CUX1: variants seen among roughly 807,000 people sequenced by gnomAD.
CUX1 encodes the protein cut like homeobox 1, also known as protein CASP.
Under a neutral mutation model 158.8 loss-of-function variants are expected in CUX1, and 31 were observed. The observed-to-expected ratio is 0.20, with a 90% CI of 0.15 to 0.26. CUX1 has a LOEUF of 0.26. Ranked by LOEUF, CUX1 falls within the 10% of genes least tolerant of loss-of-function variation. The pLI, the probability that CUX1 is intolerant of heterozygous loss-of-function variation, is 1.00. For synonymous variants in CUX1, 879 were observed against 862.1 expected, an observed-to-expected ratio of 1.02 and a Z score of -0.34; for missense variants, 1,589 against 2,014.6, an observed-to-expected ratio of 0.79 and a Z score of 4.04.
rs899025012 is a variant in CUX1 at position 102,182,319 on chromosome 7, C to T, written c.1017+3662C>T. ...TTGTCCTGAGTTCACTGAGTTGTTT[C>T]CACCCATACTTTCCAATGATACTTT... On this transcript the variant is annotated intron_variant, in intron 11 of 23. Coordinates refer to ENST00000292535, the MANE Select transcript of CUX1 (RefSeq NM_181552.4). 5.3e-5 allele frequency among the ~76,000 whole-genome samples: 8 copies of T among 152,170 alleles called. 1 individual carries two copies. Among genetic ancestry groups the T allele is most frequent in the African/African-American group, 1.9e-4 (8 of 41,434 alleles).
chr7:102,111,463 AC>A (rs1201587667), intron 6 of CUX1, among the ~76,000 whole-genome samples: 1 of 151,964 alleles, frequency 6.6e-6, no homozygotes, highest in Non-Finnish European at 1.5e-5. Flanking sequence ...GCCAGTTACC[AC>A]CCATCAAGCC....
intron 14 of CUX1, among the ~76,000 whole-genome samples, chr7:102,267,066 G>C (rs1790862510): frequency 6.6e-6 from 1 of 152,098 alleles, no homozygotes; most frequent in Non-Finnish European, 1.5e-5. Context: ...CTGCAGGCAT[G>C]GGGAGCCGGC....
At chr7:102,102,509 C>T (rs1247816362) in intron 5 of CUX1, among the ~76,000 whole-genome samples, 1 of 150,936 alleles carries the variant, frequency 6.6e-6, no homozygotes, top group Non-Finnish European at 1.5e-5. Context: ...TGCTCCTGCT[C>T]TGGCCAGCGC....
intron 10 of CUX1, among the ~76,000 whole-genome samples, chr7:102,171,018 C>G (rs150004413): frequency 6.6e-6 from 1 of 151,994 alleles, no homozygotes; most frequent in Non-Finnish European, 1.5e-5. Flanking sequence ...CATTCTGCAC[C>G]GAGTTTATAG....
chr7:101,930,193 A>AT (rs1007877676), intron 2 of CUX1, among the ~76,000 whole-genome samples: 6 of 152,058 alleles, frequency 3.9e-5, no homozygotes, highest in African/African-American at 9.7e-5. Context: ...CTTCTATTAG[A>AT]TTTTTTTTAA....
chr7:101,931,438 G>C (rs958022042), intron 2 of CUX1, among the ~76,000 whole-genome samples: 1 of 152,164 alleles, frequency 6.6e-6, no homozygotes, highest in Non-Finnish European at 1.5e-5. Flanking sequence ...CACTGGAAAG[G>C]CATTTAACTA....
At chr7:101,932,027 A>G (rs950583420) in intron 2 of CUX1, among the ~76,000 whole-genome samples, 1 of 152,236 alleles carries the variant, frequency 6.6e-6, no homozygotes, top group Non-Finnish European at 1.5e-5. Context: ...AACTACCTAC[A>G]TGGACTTCAC....
intron 2 of CUX1, among the ~76,000 whole-genome samples, chr7:101,998,636 C>G (rs1431313325): frequency 6.6e-6 from 1 of 152,170 alleles, no homozygotes; most frequent in East Asian, 1.9e-4. Flanking sequence ...TTTTGGCTTT[C>G]CTGATTTCAA....
intron 2 of CUX1, among the ~76,000 whole-genome samples, chr7:102,006,771 G>C (rs1352819141): frequency 6.6e-6 from 1 of 152,234 alleles, no homozygotes; most frequent in Non-Finnish European, 1.5e-5. Context: ...ATCTAGAACA[G>C]TTTGTGACGG....
upstream of CUX1, chr7:101,817,455 C>T (rs1437821742): frequency 9.5e-7 from 1 of 1,055,130 alleles, no homozygotes; most frequent in Non-Finnish European, 1.1e-6. This position sits in a 1 kb window ranked among gnomAD's most constrained non-coding sequence, Gnocchi z 4.1. Flanking sequence ...CGCGCGGAGT[C>T]CCCGGCGCCG....
chr7:101,945,118 G>A (rs1379650507), intron 2 of CUX1, among the ~76,000 whole-genome samples: 3 of 152,146 alleles, frequency 2.0e-5, no homozygotes, highest in Non-Finnish European at 2.9e-5. Flanking sequence ...CCAAGCCTGC[G>A]GGGCAGGTGC....
chr7:101,943,449 C>A (rs766366835), intron 2 of CUX1, among the ~76,000 whole-genome samples: 16 of 152,094 alleles, frequency 1.1e-4, no homozygotes, highest in Admixed American at 2.6e-4. Flanking sequence ...ATGACCAATT[C>A]ATCTAAAACC....
At chr7:101,925,458 G>A (rs982060172) in intron 2 of CUX1, among the ~76,000 whole-genome samples, 2 of 152,192 alleles carry the variant, frequency 1.3e-5, no homozygotes, top group Non-Finnish European at 2.9e-5. Context: ...TGAGGGGATA[G>A]AGGAATGAGG....
At chr7:101,821,849 GTTTTTTTGT>G (rs1347187211) in intron 1 of CUX1, among the ~76,000 whole-genome samples, 4 of 69,788 alleles carry the variant, frequency 5.7e-5, no homozygotes, top group African/African-American at 2.3e-4. Flanking sequence ...TAGTTTTTTT[GTTTTTTTGT>G]TTTTTTTTTT....
At chr7:102,004,356 T>C (rs1817065607) in intron 2 of CUX1, among the ~76,000 whole-genome samples, 1 of 152,116 alleles carries the variant, frequency 6.6e-6, no homozygotes, top group African/African-American at 2.4e-5. Context: ...GACCTGGTGG[T>C]GGAATTGGAG....
chr7:101,880,898 C>T (rs1254107143), intron 1 of CUX1, among the ~76,000 whole-genome samples: 1 of 152,162 alleles, frequency 6.6e-6, no homozygotes, highest in African/African-American at 2.4e-5. Flanking sequence ...AGGAGTCCTC[C>T]AGAACCAAAT....
chr7:101,877,788 G>A (rs1416126705), intron 1 of CUX1, among the ~76,000 whole-genome samples: 1 of 128,384 alleles, frequency 7.8e-6, no homozygotes, highest in Admixed American at 9.2e-5. Context: ...GTGTGTGTGT[G>A]TGTGTGTGTG....
chr7:102,037,271 C>A (rs1246541743), intron 3 of CUX1, among the ~76,000 whole-genome samples: 2 of 152,022 alleles, frequency 1.3e-5, no homozygotes, highest in Admixed American at 6.6e-5. Flanking sequence ...CAAGGAGAGT[C>A]TTAGATCAAA....
chr7:102,248,046 G>C lies in CUX1; in HGVS notation c.3888-366G>C, dbSNP rs1801002567. Among the ~76,000 whole-genome samples, 1 of 152,126 alleles carries C rather than the reference G, an allele frequency of 6.6e-6. No homozygotes were observed. Among genetic ancestry groups the C allele is most frequent in the Non-Finnish European group, 1.5e-5 (1 of 68,012 alleles). ...CTCTGGAGGCTGAGGCAGGAGAATC[G>C]CTTGAACCCAGGAGGCAGAGGTTGC... is the stretch of plus-strand genomic sequence containing the variant. On this transcript the variant is annotated intron_variant, in intron 23 of 23. Transcript: ENST00000292535. This position sits in a 1 kb window ranked among gnomAD's most constrained non-coding sequence, Gnocchi z 5.8.
Sources: gnomAD v4.1 joint callset for allele counts (sites outside exome capture counted in the v4.1 genomes callset) on GRCh38, gnomAD v4.1.1 for gene constraint, Gnocchi (gnomAD v3.1) non-coding constraint, MANE v1.5 for transcripts, NCBI Gene and HGNC (gene_info 2026-07-23, HGNC 2026-07-21) for gene names.